Variants in CYP4F8 observed in about 807,000 individuals in gnomAD.
CYP4F8 encodes the protein cytochrome P450 family 4 subfamily F member 8, also known as cytochrome P450 4F8.
A neutral mutation model predicts 55.0 loss-of-function variants in CYP4F8; 56 were observed. The ratio of observed to expected loss-of-function variants is 1.02; its 90% CI spans 0.82 to 1.27. CYP4F8 has a LOEUF of 1.27. Among genes scored for constraint, CYP4F8 ranks in the 50% most tolerant of loss-of-function variants. The pLI, the probability that CYP4F8 is intolerant of heterozygous loss-of-function variation, is 0.00. For missense variants in CYP4F8, 680 were observed against 682.4 expected (o/e 1.00, Z 0.04); for synonymous variants, 288 against 267.3 (o/e 1.08, Z -0.76).
At chr19:15,615,897 G>A (rs1281354602) in intron 2 of CYP4F8, 83 bp downstream of exon 2, 4 of 700,704 alleles carry the variant, frequency 5.7e-6, no homozygotes, top group Non-Finnish European at 8.0e-6. Context: ...GCTCGGGTCT[G>A]GGACGGCAGA....
rs1312815828 is a variant in CYP4F8 at position 15,619,761 on chromosome 19, A to C, written c.524A>C (p.His175Pro). Residue 175 changes from histidine (H) to proline (P), a missense_variant and splice_region_variant, in exon 5 of 13, where the codon CAT becomes CCT. Transcript: ENST00000612078. ...KIFSKSANIM[H>P]AKWQRLAMEG... ...TTCAGCAAGAGTGCAAACATCATGC[A>C]TGTGAGTGCCTTGAACTCAGCATCC... The C allele has an allele frequency of 6.2e-7, 1 of 1,614,044 alleles. No individual in the cohort carries two copies. Among genetic ancestry groups the C allele is most frequent in the Non-Finnish European group, 8.5e-7 (1 of 1,179,898 alleles).
intron 1 of CYP4F8, 76 bp downstream of exon 1, chr19:15,615,356 C>A: frequency 2.7e-6 from 1 of 364,610 alleles, no homozygotes. Flanking sequence ...GGAGCTGGCC[C>A]TGGTGATGGG....
At chr19:15,619,249 C>T in intron 3 of CYP4F8, 1 of 507,308 alleles carries the variant, frequency 2.0e-6, no homozygotes, top group Admixed American at 3.4e-5. Flanking sequence ...GGAGCCATGT[C>T]AAGACATGCT....
At chr19:15,624,307 A>G (rs1478140182) in intron 9 of CYP4F8, among the ~76,000 whole-genome samples, 1 of 152,122 alleles carries the variant, frequency 6.6e-6, no homozygotes, top group Non-Finnish European at 1.5e-5. Context: ...TTATTTCCCC[A>G]CTAACTTGCT....
chr19:15,619,337 C>A, intron 3 of CYP4F8, 153 bp from the exon 4 acceptor site: 1 of 814,138 alleles, frequency 1.2e-6, no homozygotes, highest in Non-Finnish European at 1.9e-6. Flanking sequence ...TTTATGCCCC[C>A]CACCCTCCTT....
chr19:15,628,188 T>C, intron 9 of CYP4F8, 114 bp from the exon 10 acceptor site: 1 of 1,480,270 alleles, frequency 6.8e-7, no homozygotes. Context: ...CTTTGTTGCT[T>C]CTGGAATTAA....
rs774388079 is a variant in CYP4F8, at chr19:15,628,575, T to A, written c.1294T>A (p.Ser432Thr). The A allele has an allele frequency of 6.2e-7, 1 of 1,613,720 alleles. No homozygotes were observed. Among genetic ancestry groups the A allele is most frequent in the African/African-American group, 1.3e-5 (1 of 74,884 alleles). The change falls in exon 11 of 13, where the codon TCA becomes ACA. Residue 432 changes from serine to threonine, a missense_variant. Ser to Thr is a moderately conservative substitution (Grantham distance 58, BLOSUM62 1). Coordinates refer to ENST00000612078, the MANE Select transcript of CYP4F8 (RefSeq NM_007253.4). ...INIFAIHHNP[S>T]VWPDPEVYDP... Reference sequence around the variant, plus strand: ...CATCTTCGCAATCCATCACAACCCCTCAGTCTGGCCAGACCCTGAGGTGCT... The same window carrying A: ...CATCTTCGCAATCCATCACAACCCCACAGTCTGGCCAGACCCTGAGGTGCT...
At chr19:15,626,630 T>TATCTATCTATCTATCTATCTATC (rs1555738323) in intron 9 of CYP4F8, among the ~76,000 whole-genome samples, 2 of 109,032 alleles carry the variant, frequency 1.8e-5, no homozygotes, top group African/African-American at 6.6e-5. Context: ...TCTATCTATC[T>TATCTATCTATCTATCTATCTATC]ATCTATCTAT....
intron 2 of CYP4F8, among the ~76,000 whole-genome samples, chr19:15,616,064 A>C (rs1599854955): frequency 5.7e-5 from 6 of 104,862 alleles, no homozygotes; most frequent in Admixed American, 2.1e-4. Flanking sequence ...TCCTCTCCTC[A>C]CTCACTCATT....
chr19:15,618,325 T>C, intron 3 of CYP4F8, 181 bp downstream of exon 3: 1 of 971,738 alleles, frequency 1.0e-6, no homozygotes, highest in East Asian at 2.6e-5. Flanking sequence ...CTTTTCTCTC[T>C]GCTGCCATCT....
rs1972293943 is a variant in CYP4F8, at chr19:15,628,608, C to T, written c.1314+13C>T. On this transcript the variant is annotated intron_variant, in intron 11 of 12. Transcript: ENST00000612078. The stretch of plus-strand genomic sequence containing the variant: ...GCCAGACCCTGAGGTGCTGCCCCTC[C>T]CTGTTTCTCCATCCCCCGGGCCTGG... 2 of 1,612,830 alleles carry T rather than the reference C, an allele frequency of 1.2e-6. No individual in the cohort carries two copies. The highest frequency in any genetic ancestry group is 1.1e-5 in the South Asian group (1 of 90,864).
intron 9 of CYP4F8, among the ~76,000 whole-genome samples, chr19:15,625,762 A>G (rs1011297141): frequency 2.0e-5 from 3 of 152,146 alleles, no homozygotes; most frequent in Non-Finnish European, 4.4e-5. Context: ...TGAGTTAACG[A>G]TGCTCTTCAA....
chr19:15,618,211 A>G, intron 3 of CYP4F8, 67 bp downstream of exon 3: 3 of 1,609,648 alleles, frequency 1.9e-6, no homozygotes, highest in Non-Finnish European at 2.6e-6. Flanking sequence ...TCTCATCCCC[A>G]AAGCTTCTGT....
chr19:15,626,163 C>T (rs893001788), intron 9 of CYP4F8, among the ~76,000 whole-genome samples: 1 of 152,212 alleles, frequency 6.6e-6, no homozygotes, highest in Non-Finnish European at 1.5e-5. Flanking sequence ...TTCTATCTCT[C>T]CAGTGCAATG....
Position 15,629,545 on chromosome 19 carries a change from CCAA to C in CYP4F8, c.*188_*190del. 2.6e-6 allele frequency: 2 copies of C among 762,490 alleles called. No individual in the cohort carries two copies. Among genetic ancestry groups the C allele is most frequent in the Non-Finnish European group, 3.9e-6 (2 of 507,396 alleles). The allele number at this position is 762,490 out of a possible 1,614,324, so 47.2% of individuals were successfully genotyped here. A position where few individuals can be genotyped will look rare whatever the true frequency, so the allele number is the denominator to read the frequency against. On this transcript the variant is annotated 3_prime_UTR_variant, in exon 13 of 13. Coordinates refer to ENST00000612078, the MANE Select transcript of CYP4F8 (RefSeq NM_007253.4). The stretch of plus-strand genomic sequence containing the variant: ...AAGAGGCGGGGAGATGTCTCTGTGC[CCAA>C]GATACTCACTGCCTCTCTGGGTGAG...
chr19:15,615,704 CTCCTGGCCCGCA>C lies in CYP4F8; in HGVS notation c.97_108del (p.Arg33_Ala36del). 6.2e-7 allele frequency: 1 copy of C among 1,614,092 alleles called. No individual in the cohort carries two copies. On this transcript the variant is annotated inframe_deletion, in exon 2 of 13. Coordinates refer to ENST00000612078, the MANE Select transcript of CYP4F8 (RefSeq NM_007253.4). ...CCTGCTGGTGGTCGGGGCCTCCTGG[CTCCTGGCCCGCA>C]TCCTGGCCTGGACCTATGCCTTCTA...
intron 5 of CYP4F8, among the ~76,000 whole-genome samples, chr19:15,620,348 A>G (rs1599858897): frequency 1.3e-5 from 2 of 152,134 alleles, no homozygotes; most frequent in South Asian, 4.1e-4. Flanking sequence ...CATGGCAGAG[A>G]CAGGATTCCA....
chr19:15,615,988 C>T (rs113759656), intron 2 of CYP4F8, among the ~76,000 whole-genome samples, 174 bp downstream of exon 2: 7 of 149,006 alleles, frequency 4.7e-5, no homozygotes, highest in African/African-American at 4.9e-5. Context: ...CCTCTCCTCA[C>T]TCACTCATTC....
chr19:15,628,617 C>T, intron 11 of CYP4F8, 22 bp downstream of exon 11: 9 of 1,612,042 alleles, frequency 5.6e-6, no homozygotes, highest in Non-Finnish European at 7.6e-6. Context: ...CCCTGTTTCT[C>T]CATCCCCCGG....
Sources: gnomAD v4.1 joint callset for allele counts (sites outside exome capture counted in the v4.1 genomes callset) on GRCh38, gnomAD v4.1.1 for gene constraint, MANE v1.5 for transcripts, NCBI Gene and HGNC (gene_info 2026-07-23, HGNC 2026-07-21) for gene names.